The following SMG6 variants were observed in gnomAD, a reference collection of about 807,000 sequenced individuals.
The protein encoded by SMG6 is SMG6 nonsense mediated mRNA decay factor.
Under a neutral mutation model 142.2 loss-of-function variants are expected in SMG6, and 66 were observed. The ratio of observed to expected loss-of-function variants is 0.46; its 90% CI spans 0.38 to 0.57. The LOEUF is 0.57. SMG6 is among the 20% of genes least tolerant of loss of function. The pLI is 0.00. For missense variants in SMG6, 1,793 were observed against 1,832.0 expected (o/e 0.98, Z 0.39); for synonymous variants, 779 against 702.4 (o/e 1.11, Z -1.72).
intron 4 of SMG6, among the ~76,000 whole-genome samples, chr17:2,293,993 A>G (rs2075095050): frequency 6.6e-6 from 1 of 152,128 alleles, no homozygotes; most frequent in Non-Finnish European, 1.5e-5. Context: ...GCCCCCCAAA[A>G]TATCTCCCTA....
chr17:2,074,654 G>A (rs2068206540), intron 15 of SMG6, among the ~76,000 whole-genome samples: 1 of 152,208 alleles, frequency 6.6e-6, no homozygotes. Context: ...AGTGCTCAAG[G>A]AGAACTGCCT....
rs903007543 is a variant in SMG6, at chr17:2,130,266, CA to C, written c.3357+42391del. 2.6e-3 allele frequency among the ~76,000 whole-genome samples: 104 copies of C among 39,530 alleles called. 8 individuals carry two copies. The highest frequency in any genetic ancestry group is 0.012 in the African/African-American group (80 of 6,402). 25.9% of individuals were successfully genotyped at this position (39,530 alleles called of 152,430 possible). A position where few individuals can be genotyped will look rare whatever the true frequency, so the allele number is the denominator to read the frequency against. On this transcript the variant is annotated intron_variant, in intron 13 of 18. Transcript: ENST00000263073. Reference sequence around the variant, plus strand: ...TGGGCGACAGAGCGAGACTCCGTCTCAAAAAAAAAAAAAAAAAAGAAACAGC... The same window carrying C: ...TGGGCGACAGAGCGAGACTCCGTCTCAAAAAAAAAAAAAAAAAGAAACAGC...
chr17:2,278,745 C>T (rs916465449), intron 8 of SMG6, among the ~76,000 whole-genome samples: 30 of 151,978 alleles, frequency 2.0e-4, no homozygotes, highest in Admixed American at 1.7e-3. Context: ...ATTCTGTGCA[C>T]GTATAAAAAT....
intron 10 of SMG6, among the ~76,000 whole-genome samples, chr17:2,200,516 A>C (rs9908972): frequency 0.38 from 56,194 of 147,204 alleles, 10,821 homozygotes; most frequent in Middle Eastern, 0.45. Context: ...CTTCCCCCAA[A>C]CCCACGACAG....
At chr17:2,256,205 A>G (rs1408009097) in intron 8 of SMG6, 4 of 151,778 alleles carry the variant, frequency 2.6e-5, no homozygotes, top group Non-Finnish European at 4.4e-5. Context: ...AATAAATAAG[A>G]AGAAAAAAAA....
intron 10 of SMG6, among the ~76,000 whole-genome samples, chr17:2,195,047 G>C (rs764340358): frequency 3.0e-4 from 46 of 152,320 alleles, no homozygotes; most frequent in Middle Eastern, 3.4e-3. Context: ...GCAAGAGGCG[G>C]CCTGGGAAGT....
intron 6 of SMG6, among the ~76,000 whole-genome samples, chr17:2,287,035 C>T (rs2074922950): frequency 6.6e-6 from 1 of 151,146 alleles, no homozygotes; most frequent in Non-Finnish European, 1.5e-5. Context: ...GGGTTCACGC[C>T]ATTCTCCTGC....
chr17:2,208,281 A>G (rs974334203), intron 10 of SMG6, among the ~76,000 whole-genome samples: 2 of 152,084 alleles, frequency 1.3e-5, no homozygotes, highest in African/African-American at 4.8e-5. Flanking sequence ...TCCCTTGCCT[A>G]AGTCGTTCCT....
intron 13 of SMG6, among the ~76,000 whole-genome samples, chr17:2,086,906 C>T (rs1357512303): frequency 2.6e-5 from 4 of 152,174 alleles, no homozygotes; most frequent in Non-Finnish European, 5.9e-5. Flanking sequence ...AAGCTGAAGG[C>T]CATTCCACAT....
chr17:2,098,239 GC>G (rs1397394974), intron 13 of SMG6, among the ~76,000 whole-genome samples: 1 of 152,094 alleles, frequency 6.6e-6, no homozygotes, highest in Admixed American at 6.6e-5. Context: ...TCCTGCCTCA[GC>G]CCCCCAAAGT....
intron 13 of SMG6, among the ~76,000 whole-genome samples, chr17:2,134,578 T>C (rs1487866159): frequency 1.3e-5 from 2 of 152,160 alleles, no homozygotes; most frequent in African/African-American, 2.4e-5. Context: ...GTGTTAACAA[T>C]GAAGGCATAA....
chr17:2,136,020 G>GTGTGTGTGTGTGTGTGTT (rs1331446316), intron 13 of SMG6, among the ~76,000 whole-genome samples: 1 of 150,304 alleles, frequency 6.7e-6, no homozygotes, highest in East Asian at 2.0e-4. Flanking sequence ...GTGTGTGTGT[G>GTGTGTGTGTGTGTGTGTT]TGTGTGTGTG....
At chr17:2,196,589 G>C (rs529337012) in intron 10 of SMG6, among the ~76,000 whole-genome samples, 2 of 152,296 alleles carry the variant, frequency 1.3e-5, no homozygotes, top group African/African-American at 2.4e-5. Flanking sequence ...TAGGTTTAAC[G>C]CAACAGCTAT....
At chr17:2,117,097 A>AT (rs11371517) in intron 13 of SMG6, among the ~76,000 whole-genome samples, 51,314 of 145,440 alleles carry the variant, frequency 0.35, 9,513 homozygotes, top group African/African-American at 0.49. Context: ...TGGCTTTTAA[A>AT]TTTTTTTTTT....
At chr17:2,116,735 G>A (rs996595359) in intron 13 of SMG6, among the ~76,000 whole-genome samples, 13 of 151,856 alleles carry the variant, frequency 8.6e-5, no homozygotes, top group East Asian at 3.9e-4. Flanking sequence ...GCGGCAGAGC[G>A]AGACTCTGCC....
intron 13 of SMG6, among the ~76,000 whole-genome samples, chr17:2,118,277 C>A (rs1164384671): frequency 4.7e-5 from 7 of 148,968 alleles, no homozygotes; most frequent in Admixed American, 4.7e-4. Context: ...GTGGCTCATG[C>A]CTGTAATCCC....
At chr17:2,237,846 C>T (rs1348086864) in intron 9 of SMG6, among the ~76,000 whole-genome samples, 26 of 152,180 alleles carry the variant, frequency 1.7e-4, no homozygotes, top group Non-Finnish European at 7.4e-5. Context: ...AGTAGCCAGG[C>T]ACATGGGCCT....
At chr17:2,075,190 T>C (rs9901671) in intron 15 of SMG6, among the ~76,000 whole-genome samples, 95,631 of 151,858 alleles carry the variant, frequency 0.63, 30,520 homozygotes, top group African/African-American at 0.69. Context: ...GGGCTCTGTG[T>C]ATACCCCATT....
intron 10 of SMG6, among the ~76,000 whole-genome samples, chr17:2,191,017 G>T (rs757249852): frequency 4.6e-5 from 7 of 152,214 alleles, no homozygotes; most frequent in Admixed American, 1.3e-4. Flanking sequence ...CCATGGCTCA[G>T]TAGTACCTCA....
Sources: gnomAD v4.1 joint callset for allele counts (sites outside exome capture counted in the v4.1 genomes callset) on GRCh38, gnomAD v4.1.1 for gene constraint, MANE v1.5 for transcripts, NCBI Gene and HGNC (gene_info 2026-07-23, HGNC 2026-07-21) for gene names.